UNC45A: variants seen among roughly 807,000 people sequenced by gnomAD.
UNC45A encodes the protein protein unc-45 homolog A.
A neutral mutation model predicts 103.2 loss-of-function variants in UNC45A; 78 were observed. The ratio of observed to expected loss-of-function variants is 0.76; its 90% confidence interval spans 0.63 to 0.91. UNC45A has a LOEUF of 0.91. Ranked by LOEUF, UNC45A falls within the 40% of genes least tolerant of loss-of-function variation. UNC45A has a pLI of 0.00. For synonymous variants in UNC45A, 495 were observed against 504.6 expected (o/e 0.98, Z 0.25); for missense variants, 1,193 against 1,224.8 (o/e 0.97, Z 0.39).
At position 90,940,301 on chromosome 15, in the gene UNC45A, C is replaced by A; in HGVS notation, c.520-5C>A. 1 of 1,610,820 alleles carries A rather than the reference C, an allele frequency of 6.2e-7. No homozygotes were observed. The highest frequency in any genetic ancestry group is 8.5e-7 in the Non-Finnish European group (1 of 1,178,094). On this transcript the variant is annotated splice_polypyrimidine_tract_variant and splice_region_variant and intron_variant, in intron 5 of 19. Transcript: ENST00000418476. ...CAACATTATAATGTGCTTCCTTTGA[C>A]GCAGGCTTCTCAGAACCTGGTGGTG...
chr15:90,947,246 G>A (rs532765297), intron 10 of UNC45A: 65 of 322,082 alleles, frequency 2.0e-4, no homozygotes, highest in Admixed American at 2.0e-3. Context: ...CATCGGCATG[G>A]CTCCTCCCTC....
intron 13 of UNC45A, 81 bp downstream of exon 13, chr15:90,948,875 C>CA (rs2036729083): frequency 1.1e-5 from 11 of 986,276 alleles, no homozygotes; most frequent in Non-Finnish European, 1.3e-5. Context: ...AACAACCTCC[C>CA]TTTTTTTTTT....
intron 9 of UNC45A, 150 bp from the exon 10 acceptor site, chr15:90,946,464 C>G: frequency 3.5e-6 from 3 of 857,266 alleles, no homozygotes; most frequent in Non-Finnish European, 5.2e-6. Flanking sequence ...CATTATTGTC[C>G]AGGTGGAAAC....
upstream of UNC45A, chr15:90,932,536 C>T: frequency 2.4e-6 from 3 of 1,264,764 alleles, no homozygotes; most frequent in South Asian, 6.0e-5. Context: ...CGCCTCAGAG[C>T]CCATCGCGCG....
At position 90,950,137 on chromosome 15, in the gene UNC45A, C is replaced by T. The variant is rs566908983; in HGVS notation, c.2074-17C>T. On this transcript the variant is annotated splice_polypyrimidine_tract_variant and intron_variant, in intron 15 of 19. Coordinates refer to ENST00000418476, the MANE Select transcript of UNC45A (RefSeq NM_018671.5). ...CTCCCAGGGATGTCCTGAGCAGTGACGGGCTTGTTCCTACAGGCGCTGATC... is the reference window on the plus strand; with the variant it reads ...CTCCCAGGGATGTCCTGAGCAGTGATGGGCTTGTTCCTACAGGCGCTGATC... The T allele has an allele frequency of 5.5e-5, 85 of 1,550,244 alleles. No homozygotes were observed. The African/African-American group carries it at 7.7e-4, about 14-fold the overall frequency.
chr15:90,931,371 C>A (rs1164093409), upstream of UNC45A: 1 of 1,557,632 alleles, frequency 6.4e-7, no homozygotes, highest in Non-Finnish European at 8.7e-7. Context: ...GCGCTGCCCA[C>A]TCGAAGTATT....
rs763110793 is a variant in UNC45A at position 90,936,398 on chromosome 15, G to A, written c.364G>A (p.Glu122Lys). 1.2e-5 allele frequency: 19 copies of A among 1,614,224 alleles called. No individual in the cohort carries two copies. The South Asian group carries it at 2.1e-4, about 18-fold the overall frequency. ...VLDLQRCVSL[E>K]PKNKVFQEAL... ...TGACCTGCAGAGATGTGTGAGCTTGGAGCCCAAGAACAAAGTTTTCCAGGA... is the reference window on the plus strand; with the variant it reads ...TGACCTGCAGAGATGTGTGAGCTTGAAGCCCAAGAACAAAGTTTTCCAGGA... Residue 122 changes from glutamate to lysine, a missense_variant, in exon 4 of 20, where the codon GAG becomes AAG. Physicochemically the swap from Glu to Lys is moderately conservative, Grantham distance 56. Coordinates refer to ENST00000418476, the MANE Select transcript of UNC45A (RefSeq NM_018671.5).
chr15:90,935,262 C>G (rs1473134490), upstream of UNC45A: 231 of 1,514,026 alleles, frequency 1.5e-4, no homozygotes, highest in Non-Finnish European at 1.9e-4. Context: ...GGTGGCGTCC[C>G]GAACCCAGAC....
intron 4 of UNC45A, among the ~76,000 whole-genome samples, chr15:90,936,731 G>A (rs1052798604): frequency 1.3e-5 from 2 of 152,192 alleles, no homozygotes; most frequent in African/African-American, 4.8e-5. Flanking sequence ...ACTGCTGGAG[G>A]GGTATAAATT....
intron 10 of UNC45A, chr15:90,947,329 C>T (rs970537409): frequency 6.8e-5 from 17 of 251,800 alleles, no homozygotes; most frequent in South Asian, 3.6e-4. Flanking sequence ...GGTTTGGGGA[C>T]TACCTGGCCC....
chr15:90,946,372 A>T (rs2036569962), intron 9 of UNC45A, among the ~76,000 whole-genome samples: 1 of 152,210 alleles, frequency 6.6e-6, no homozygotes, highest in African/African-American at 2.4e-5. Flanking sequence ...CCAGGAAGGG[A>T]CATCACTGGT....
Position 90,939,804 on chromosome 15 carries a change from G to A in UNC45A, c.500G>A (p.Gly167Asp), listed in dbSNP as rs1259532091. 1 of 1,614,016 alleles carries A rather than the reference G, an allele frequency of 6.2e-7. No homozygotes were observed. The highest frequency in any genetic ancestry group is 1.3e-5 in the African/African-American group (1 of 74,948). Reference sequence around the variant, plus strand: ...ATACTGTTGGACCCAGAAGAGAAGGGCACTGAGAAAAAGCAAAAGGTATAG... The same window carrying A: ...ATACTGTTGGACCCAGAAGAGAAGGACACTGAGAAAAAGCAAAAGGTATAG... The part of the protein sequence containing the change: ...FQILLDPEEK[G>D]TEKKQKASQN... The change falls in exon 5 of 20, where the codon GGC becomes GAC. Residue 167 changes from glycine to aspartate, a missense_variant. Physicochemically the swap from Gly to Asp is moderately conservative, Grantham distance 94. Transcript: ENST00000418476.
chr15:90,950,436 C>T (rs888255673), intron 16 of UNC45A, 64 bp from the exon 17 acceptor site: 10 of 1,564,278 alleles, frequency 6.4e-6, no homozygotes, highest in Non-Finnish European at 7.9e-6. Context: ...CTTCTCCCTG[C>T]AGGGTTGGTG....
At position 90,945,083 on chromosome 15, in the gene UNC45A, C is replaced by A. The variant is rs769239728; in HGVS notation, c.1199+20C>A. 2 of 1,607,278 alleles carry A rather than the reference C, an allele frequency of 1.2e-6. No homozygotes were observed. Among genetic ancestry groups the A allele is most frequent in the South Asian group, 2.2e-5 (2 of 90,682 alleles). On this transcript the variant is annotated intron_variant, in intron 9 of 19. Transcript: ENST00000418476. ...CATCAAGTAAGGAAGTCTGTTTCAC[C>A]TCCCGTTGCCAGGGATTCTAGCGAA... is the stretch of plus-strand genomic sequence containing the variant.
In UNC45A at chr15:90,950,481, G is replaced by C; in HGVS notation, c.2188-19G>C. 3 of 1,611,214 alleles carry C rather than the reference G, an allele frequency of 1.9e-6. No individual in the cohort carries two copies. Among genetic ancestry groups the C allele is most frequent in the Middle Eastern group, 3.3e-4 (2 of 6,054 alleles). ...GGGGCTGCGGCAAGTACCCCTGACA[G>C]GTGGGGTGCACATTGCAGATCTATG... On this transcript the variant is annotated intron_variant, in intron 16 of 19. Coordinates refer to ENST00000418476, the MANE Select transcript of UNC45A (RefSeq NM_018671.5).
At chr15:90,944,256 A>G (rs1165120043) in intron 8 of UNC45A, among the ~76,000 whole-genome samples, 2 of 152,026 alleles carry the variant, frequency 1.3e-5, no homozygotes, top group Admixed American at 1.3e-4. Flanking sequence ...GCATGCTGGC[A>G]TGCACCTGTA....
At chr15:90,949,561 C>T in intron 14 of UNC45A, 93 bp from the exon 15 acceptor site, 1 of 1,600,238 alleles carries the variant, frequency 6.2e-7, no homozygotes, top group Non-Finnish European at 8.5e-7. Context: ...CGGGGGCTGC[C>T]TGCGTGGCTG....
intron 4 of UNC45A, among the ~76,000 whole-genome samples, chr15:90,937,705 C>G (rs1422745115): frequency 6.6e-6 from 1 of 152,120 alleles, no homozygotes; most frequent in East Asian, 1.9e-4. Context: ...CCAGGATGGT[C>G]TGGAGCTCCT....
rs760940169 is a variant in UNC45A at position 90,950,611 on chromosome 15, C to G, written c.2299C>G (p.Leu767Val). The change falls in exon 17 of 20, where the codon CTC becomes GTC. Residue 767 changes from leucine to valine, a missense_variant. Leu to Val is a conservative substitution (Grantham distance 32). Transcript: ENST00000418476. The part of the protein sequence containing the change: ...LTNLAGISER[L>V]RQKILKEKAV... ...AAACCTGGCTGGGATCAGCGAGAGG[C>G]TCCGGTAAGGTCCCTTGGGATTGCG... 1 of 1,613,988 alleles carries G rather than the reference C, an allele frequency of 6.2e-7. No individual in the cohort carries two copies. The highest frequency in any genetic ancestry group is 8.5e-7 in the Non-Finnish European group (1 of 1,180,004).
Sources: gnomAD v4.1 joint callset for allele counts (sites outside exome capture counted in the v4.1 genomes callset) on GRCh38, gnomAD v4.1.1 for gene constraint, MANE v1.5 for transcripts, NCBI Gene and HGNC (gene_info 2026-07-23, HGNC 2026-07-21) for gene names.